The following NLRP5 variants were observed in gnomAD, a reference collection of about 807,000 sequenced individuals.
The protein encoded by NLRP5 is NLR family pyrin domain containing 5.
Under a neutral mutation model 113.1 loss-of-function variants are expected in NLRP5, and 93 were observed. The ratio of observed to expected loss-of-function variants is 0.82; its 90% CI spans 0.70 to 0.98. NLRP5 has a LOEUF of 0.98. Ranked by LOEUF, NLRP5 falls within the 50% of genes least tolerant of loss-of-function variation. NLRP5 has a pLI of 0.00. For missense variants in NLRP5, 1,808 were observed against 1,514.3 expected (o/e 1.19, Z -3.22); for synonymous variants, 751 against 600.7 (o/e 1.25, Z -3.66).
intron 12 of NLRP5, 73 bp downstream of exon 12, chr19:56,050,661 G>C (rs1292235793): frequency 6.9e-7 from 1 of 1,452,186 alleles, no homozygotes; most frequent in Non-Finnish European, 9.3e-7. Context: ...CAAGAGATAG[G>C]AGCAGGGAGA....
intron 3 of NLRP5, among the ~76,000 whole-genome samples, chr19:56,012,750 A>G (rs370336522): frequency 6.6e-6 from 1 of 152,172 alleles, no homozygotes; most frequent in South Asian, 2.1e-4. Context: ...TTCAAGTGTT[A>G]AACTGCTGTT....
Position 56,027,326 on chromosome 19 carries a change from G to T in NLRP5, c.1093G>T (p.Asp365Tyr). The change falls in exon 7 of 15, where the codon GAT becomes TAT. Residue 365 changes from aspartate to tyrosine, a missense_variant. Coordinates refer to ENST00000390649, the MANE Select transcript of NLRP5 (RefSeq NM_153447.4). ...GCTGTTGTTCATCATTGACGGTTTC[G>T]ATGACCTGGGCTCTGTCCTCAACAA... 1 of 1,612,568 alleles carries T rather than the reference G, an allele frequency of 6.2e-7. No homozygotes were observed.
rs187101103 is a variant in NLRP5 at position 56,027,554 on chromosome 19, C to G, written c.1321C>G (p.Leu441Val). The stretch of plus-strand genomic sequence containing the variant: ...CTCCGGGGAACAAAGAATCCACTTG[C>G]TCCTTGAGCGCGGGATTGGTGAGCA... Residue 441 changes from leucine to valine, a missense_variant, in exon 7 of 15, where the codon CTC becomes GTC. Transcript: ENST00000390649. The G allele has an allele frequency of 1.9e-6, 3 of 1,614,012 alleles. No homozygotes were observed. The highest frequency in any genetic ancestry group is 2.5e-6 in the Non-Finnish European group (3 of 1,179,890).
intron 11 of NLRP5, among the ~76,000 whole-genome samples, chr19:56,041,622 A>T (rs1983525825): frequency 6.6e-6 from 1 of 152,158 alleles, no homozygotes; most frequent in African/African-American, 2.4e-5. Flanking sequence ...ATTGGAGAGC[A>T]CTTTGGCGCT....
chr19:56,045,543 T>G (rs1599906406), intron 11 of NLRP5, among the ~76,000 whole-genome samples: 4 of 152,106 alleles, frequency 2.6e-5, no homozygotes, highest in Admixed American at 6.6e-5. Flanking sequence ...ATATATCTCG[T>G]AATGCTATCC....
At position 56,003,617 on chromosome 19, in the gene NLRP5, T is replaced by C. The variant is rs1981737780; in HGVS notation, c.63-99T>C. On this transcript the variant is annotated intron_variant, in intron 1 of 14. Transcript: ENST00000390649. ...AACAGATATTGTGGCAACAAATGCT[T>C]CGTCCATGAAGAATTGAAAAGAGAA... 2.5e-6 allele frequency: 3 copies of C among 1,220,652 alleles called. No homozygotes were observed. In the South Asian group the frequency reaches 4.4e-5, roughly 18 times the overall value. The allele number at this position is 1,220,652 out of a possible 1,614,324, so 75.6% of individuals were successfully genotyped here.
intron 4 of NLRP5, among the ~76,000 whole-genome samples, chr19:56,016,846 T>C (rs2123288751): frequency 6.6e-6 from 1 of 152,314 alleles, no homozygotes; most frequent in South Asian, 2.1e-4. Context: ...TCTTGCTCTG[T>C]TGCCCAGGCT....
In NLRP5 at chr19:56,041,011, C is replaced by T; in HGVS notation, c.2876C>T (p.Ser959Phe). Residue 959 changes from serine (S) to phenylalanine (F), a missense_variant, in exon 11 of 15, where the codon TCC becomes TTC. By Grantham distance (155) the Ser-to-Phe change is radical. Transcript: ENST00000390649. ...CGGAGCTTGACACACCTGTGCCTAT[C>T]CAACAACAGCCTGGGGAACGAAGGT... The T allele has an allele frequency of 6.2e-7, 1 of 1,613,958 alleles. No individual in the cohort carries two copies.
rs114954867 is a variant in NLRP5 at position 56,061,119 on chromosome 19, G to A, written c.3471-277G>A. 1.9e-3 allele frequency among the ~76,000 whole-genome samples: 286 copies of A among 152,322 alleles called. 1 individual carries two copies. The highest frequency in any genetic ancestry group is 6.5e-3 in the African/African-American group (272 of 41,574). On this transcript the variant is annotated intron_variant, in intron 14 of 14. Transcript: ENST00000390649. ...GCTGTGACATCAGCAAGCTCATTCT[G>A]TGCAAACTCCAGTCTGCCATACTTT...
chr19:56,051,046 TCA>T (rs1983914229), intron 12 of NLRP5, among the ~76,000 whole-genome samples: 1 of 152,200 alleles, frequency 6.6e-6, no homozygotes, highest in Admixed American at 6.5e-5. Context: ...ATCTTCAGTC[TCA>T]CAACCATGCA....
intron 1 of NLRP5, among the ~76,000 whole-genome samples, chr19:56,000,049 T>G (rs868407793): frequency 4.2e-4 from 64 of 150,812 alleles, no homozygotes; most frequent in African/African-American, 1.5e-3. Flanking sequence ...GTCCAGGGAC[T>G]GCCACCTCTC....
At position 56,026,938 on chromosome 19, in the gene NLRP5, C is replaced by T. The variant is rs768856288; in HGVS notation, c.705C>T (p.Tyr235=). 2 of 1,551,628 alleles carry T rather than the reference C, an allele frequency of 1.3e-6. No individual in the cohort carries two copies. The highest frequency in any genetic ancestry group is 2.0e-5 in the Admixed American group (1 of 50,980). Residue 235 remains tyrosine (Y), a synonymous_variant, in exon 7 of 15, where the codon TAC becomes TAT. Transcript: ENST00000390649. Reference sequence around the variant, plus strand: ...GACATGGAGGTGACACATGGGACTACAAGAGTCACGTGATGACCAAATTCG... The same window carrying T: ...GACATGGAGGTGACACATGGGACTATAAGAGTCACGTGATGACCAAATTCG...
intron 3 of NLRP5, 93 bp downstream of exon 3, chr19:56,008,946 A>G: frequency 1.8e-6 from 2 of 1,088,426 alleles, no homozygotes; most frequent in Non-Finnish European, 1.4e-6. Flanking sequence ...GACTTCTGAT[A>G]GTCTAGTGTT....
At chr19:55,993,139 G>A in the NLRP5 span, among the ~76,000 whole-genome samples, 1 of 151,890 alleles carries the variant, frequency 6.6e-6, no homozygotes, top group Admixed American at 6.6e-5. Flanking sequence ...GTGAGCCACT[G>A]CGCCCGGCCC....
In NLRP5 at chr19:56,028,106, G is replaced by A; in HGVS notation, c.1873G>A (p.Gly625Ser). 4 of 1,614,028 alleles carry A rather than the reference G, an allele frequency of 2.5e-6. No individual in the cohort carries two copies. Among genetic ancestry groups the A allele is most frequent in the Non-Finnish European group, 3.4e-6 (4 of 1,179,900 alleles). Reference sequence around the variant, plus strand: ...GAGGTCCATGGAGCTTAAACAGGCAGGCTTCCATATCCACTCGCTTTGGAT... The same window carrying A: ...GAGGTCCATGGAGCTTAAACAGGCAAGCTTCCATATCCACTCGCTTTGGAT... The change falls in exon 7 of 15, where the codon GGC becomes AGC. Residue 625 changes from glycine (G) to serine (S), a missense_variant. Coordinates refer to ENST00000390649, the MANE Select transcript of NLRP5 (RefSeq NM_153447.4).
At chr19:56,005,608 A>G (rs1981871606) in intron 2 of NLRP5, among the ~76,000 whole-genome samples, 1 of 145,144 alleles carries the variant, frequency 6.9e-6, no homozygotes, top group South Asian at 2.2e-4. Flanking sequence ...GCATGCCTGT[A>G]CACACATATA....
At chr19:56,059,594 G>T (rs1341062422) in intron 14 of NLRP5, among the ~76,000 whole-genome samples, 1 of 152,196 alleles carries the variant, frequency 6.6e-6, no homozygotes, top group Non-Finnish European at 1.5e-5. Context: ...GAGTGCAGGG[G>T]TGCAATCTTA....
At chr19:55,996,817 G>A (rs1349531267), upstream of NLRP5, among the ~76,000 whole-genome samples, 1 of 152,142 alleles carries the variant, frequency 6.6e-6, no homozygotes, top group Non-Finnish European at 1.5e-5. Context: ...TGTCTTTATA[G>A]CAACATGATT....
chr19:56,055,777 C>A (rs933373580), intron 13 of NLRP5, among the ~76,000 whole-genome samples: 5 of 151,518 alleles, frequency 3.3e-5, no homozygotes, highest in Admixed American at 1.3e-4. Flanking sequence ...AATCTCCTGA[C>A]CTCATGATCT....
Sources: gnomAD v4.1 joint callset for allele counts (sites outside exome capture counted in the v4.1 genomes callset) on GRCh38, gnomAD v4.1.1 for gene constraint, MANE v1.5 for transcripts, NCBI Gene and HGNC (gene_info 2026-07-23, HGNC 2026-07-21) for gene names.